Variants in DLGAP2 observed in about 807,000 individuals in gnomAD.
DLGAP2 encodes the protein DLG associated protein 2.
Under a neutral mutation model 100.3 loss-of-function variants are expected in DLGAP2, and 26 were observed. The ratio of observed to expected loss-of-function variants is 0.26; its 90% confidence interval spans 0.19 to 0.36. The LOEUF is 0.36. DLGAP2 is among the 10% of genes least tolerant of loss of function. The pLI, the probability that DLGAP2 is intolerant of heterozygous loss-of-function variation, is 1.00. For synonymous variants in DLGAP2, 886 were observed against 630.1 expected (o/e 1.41, Z -6.08); for missense variants, 1,858 against 1,453.2 (o/e 1.28, Z -4.53).
intron 2 of DLGAP2, among the ~76,000 whole-genome samples, chr8:1,140,390 C>T (rs1311151294): frequency 6.9e-6 from 1 of 145,838 alleles, no homozygotes; most frequent in Non-Finnish European, 1.5e-5. Context: ...CAGTCTCCTC[C>T]ATGCCTCATG....
At chr8:1,118,627 C>T (rs1037173208) in intron 2 of DLGAP2, among the ~76,000 whole-genome samples, 3 of 152,182 alleles carry the variant, frequency 2.0e-5, no homozygotes, top group African/African-American at 7.2e-5. Context: ...CTAGGAGGAA[C>T]TGCAGACGGC....
Position 1,548,844 on chromosome 8 carries a change from G to T in DLGAP2, c.391G>T (p.Gly131Trp). ...GAGCCCCGCCGACAGCTGCCCCGGG[G>T]GGCGCCACCGCTGCTCGCCGCGCAG... ...LLSPADSCPG[G>W]RHRCSPRSSV... is the part of the protein sequence containing the mutation. Residue 131 changes from glycine to tryptophan, a missense_variant, in exon 5 of 15, where the codon GGG becomes TGG. By Grantham distance (184) the Gly-to-Trp change is radical (BLOSUM62 -2). Transcript: ENST00000637795. 1 of 1,579,808 alleles carries T rather than the reference G, an allele frequency of 6.3e-7. No individual in the cohort carries two copies. Among genetic ancestry groups the T allele is most frequent in the Non-Finnish European group, 8.6e-7 (1 of 1,166,752 alleles).
At chr8:1,361,655 C>A (rs796407514) in intron 3 of DLGAP2, among the ~76,000 whole-genome samples, 1 of 152,210 alleles carries the variant, frequency 6.6e-6, no homozygotes, top group African/African-American at 2.4e-5. Context: ...CTGGGTCTGA[C>A]TATTAGCTTT....
rs192182089 is a variant in DLGAP2, at chr8:1,521,902, G to A, written c.172+20471G>A. Among the ~76,000 whole-genome samples the A allele has an allele frequency of 2.6e-3, 389 of 149,558 alleles. 8 individuals are homozygous for A. The East Asian group carries it at 0.06, about 23-fold the overall frequency. Reference sequence around the variant, plus strand: ...ACTTGTTTTAATTTGGAATACTCGGGTGGCAGGTGATATGGGGCATCTGGT... The same window carrying A: ...ACTTGTTTTAATTTGGAATACTCGGATGGCAGGTGATATGGGGCATCTGGT... On this transcript the variant is annotated intron_variant, in intron 4 of 14. Coordinates refer to ENST00000637795, the MANE Select transcript of DLGAP2 (RefSeq NM_001346810.2).
chr8:1,090,410 G>C (rs776953135), intron 2 of DLGAP2, among the ~76,000 whole-genome samples: 2 of 152,204 alleles, frequency 1.3e-5, no homozygotes, highest in African/African-American at 4.8e-5. Flanking sequence ...CTGCACTCTG[G>C]GGCCCTCCTG....
At chr8:1,266,248 C>T (rs7009764) in intron 3 of DLGAP2, among the ~76,000 whole-genome samples, 84,501 of 151,966 alleles carry the variant, frequency 0.56, 23,757 homozygotes, top group Middle Eastern at 0.65. Flanking sequence ...ACTTCAGTCC[C>T]CTTTTGGCTT....
At chr8:890,670 G>T (rs1317915832) in intron 1 of DLGAP2, among the ~76,000 whole-genome samples, 2 of 151,908 alleles carry the variant, frequency 1.3e-5, no homozygotes. Flanking sequence ...CACCCACCCG[G>T]TGCCACCAGC....
chr8:880,342 T>C (rs1319564725), intron 1 of DLGAP2, among the ~76,000 whole-genome samples: 1 of 152,194 alleles, frequency 6.6e-6, no homozygotes, highest in African/African-American at 2.4e-5. Context: ...TGTGCTTCTG[T>C]CTCACATGAG....
intron 2 of DLGAP2, among the ~76,000 whole-genome samples, chr8:1,116,916 G>A (rs1805135984): frequency 2.0e-5 from 3 of 152,202 alleles, no homozygotes; most frequent in African/African-American, 7.2e-5. Flanking sequence ...AGAAACCAAA[G>A]CAAAACCTCT....
intron 2 of DLGAP2, among the ~76,000 whole-genome samples, chr8:1,036,222 C>T (rs1419649934): frequency 2.6e-5 from 4 of 152,004 alleles, no homozygotes; most frequent in African/African-American, 7.2e-5. Flanking sequence ...CCCGACCCCG[C>T]GTGTCACCGC....
chr8:1,661,147 T>A (rs1343156113), intron 8 of DLGAP2, among the ~76,000 whole-genome samples: 1 of 152,204 alleles, frequency 6.6e-6, no homozygotes, highest in East Asian at 1.9e-4. Flanking sequence ...GAAATCCTTT[T>A]CAAAGCCTTT....
intron 3 of DLGAP2, among the ~76,000 whole-genome samples, chr8:1,415,783 C>G (rs1347815985): frequency 6.6e-6 from 1 of 152,180 alleles, no homozygotes; most frequent in Non-Finnish European, 1.5e-5. Context: ...AGTGAACATA[C>G]ATGTGTCAGT....
chr8:1,232,450 G>C (rs1407590008), intron 2 of DLGAP2, among the ~76,000 whole-genome samples: 3 of 152,218 alleles, frequency 2.0e-5, no homozygotes, highest in Non-Finnish European at 2.9e-5. Flanking sequence ...ACCAGGGTCA[G>C]GTGCAGGCTG....
At chr8:1,691,418 A>C (rs571096458) in intron 12 of DLGAP2, 117 bp from the exon 13 acceptor site, 1 of 811,058 alleles carries the variant, frequency 1.2e-6, no homozygotes, top group East Asian at 2.7e-5. Flanking sequence ...GGCACGATGA[A>C]GTCGTCAGTT....
chr8:1,319,092 G>A (rs962667278), intron 3 of DLGAP2, among the ~76,000 whole-genome samples: 4 of 152,112 alleles, frequency 2.6e-5, no homozygotes, highest in Admixed American at 6.5e-5. Context: ...CGGGATTAGC[G>A]GCCTCTGAGG....
intron 3 of DLGAP2, among the ~76,000 whole-genome samples, chr8:1,364,402 G>C (rs1366245605): frequency 6.6e-6 from 1 of 151,670 alleles, no homozygotes. Flanking sequence ...CCTGCTGTGG[G>C]CAGGCCTGGG....
At chr8:1,038,744 G>A (rs2600507) in intron 2 of DLGAP2, among the ~76,000 whole-genome samples, 6,076 of 152,300 alleles carry the variant, frequency 0.04, 397 homozygotes, top group African/African-American at 0.14. Flanking sequence ...GACAGTAGGT[G>A]AGGGTCAAAA....
At chr8:979,470 C>T (rs1331038083) in intron 2 of DLGAP2, among the ~76,000 whole-genome samples, 2 of 152,216 alleles carry the variant, frequency 1.3e-5, no homozygotes, top group African/African-American at 2.4e-5. Flanking sequence ...CCTCACATCC[C>T]TGACCTGTAA....
intron 1 of DLGAP2, among the ~76,000 whole-genome samples, chr8:851,770 G>T (rs576508659): frequency 2.6e-5 from 4 of 152,162 alleles, no homozygotes; most frequent in Non-Finnish European, 5.9e-5. Flanking sequence ...ACCACGCCAC[G>T]TGCCCCGCAG....
Sources: gnomAD v4.1 joint callset for allele counts (sites outside exome capture counted in the v4.1 genomes callset) on GRCh38, gnomAD v4.1.1 for gene constraint, MANE v1.5 for transcripts, NCBI Gene and HGNC (gene_info 2026-07-23, HGNC 2026-07-21) for gene names.